RGS12: variants seen among roughly 807,000 people sequenced by gnomAD.
The protein encoded by RGS12 is regulator of G-protein signaling 12.
In RGS12, 66 loss-of-function variants were observed where a neutral mutation model predicts 120.1. The ratio of observed to expected loss-of-function variants is 0.55; its 90% CI spans 0.45 to 0.67. The LOEUF (loss-of-function observed/expected upper bound fraction) is 0.67. Ranked by LOEUF, RGS12 falls within the 30% of genes least tolerant of loss-of-function variation. The pLI, the probability that RGS12 is intolerant of heterozygous loss-of-function variation, is 0.00. For missense variants in RGS12, 1,859 were observed against 1,957.7 expected, an observed-to-expected ratio of 0.95 and a Z score of 0.95; for synonymous variants, 827 against 804.7, an observed-to-expected ratio of 1.03 and a Z score of -0.47.
intron 4 of RGS12, among the ~76,000 whole-genome samples, chr4:3,409,573 G>A (rs1721513461): frequency 6.6e-6 from 1 of 152,220 alleles, no homozygotes; most frequent in Non-Finnish European, 1.5e-5. Flanking sequence ...GAGGGAGGCG[G>A]CAAGGCCTAG....
At chr4:3,308,533 C>T (rs1236145164) in intron 1 of RGS12, among the ~76,000 whole-genome samples, 1 of 152,178 alleles carries the variant, frequency 6.6e-6, no homozygotes, top group African/African-American at 2.4e-5. Context: ...AACAGCTGGT[C>T]TGTGGTGCTG....
rs538360594 is a variant in RGS12, at chr4:3,390,948, G to C, written c.2020+4511G>C. 5.9e-5 allele frequency among the ~76,000 whole-genome samples: 9 copies of C among 152,306 alleles called. No individual in the cohort carries two copies. Among genetic ancestry groups the C allele is most frequent in the African/African-American group, 2.2e-4 (9 of 41,546 alleles). On this transcript the variant is annotated intron_variant, in intron 4 of 17. Coordinates refer to ENST00000336727, the MANE Select transcript of RGS12 (RefSeq NM_001394154.1). The surrounding 1 kb of genome is among the most constrained non-coding windows in gnomAD (Gnocchi z 4.6). ...ATTCTATACAATTTTGAAAGAGAAA[G>C]GGAAAAGCTTGAGAGTAGAACCATC...
chr4:3,358,011 T>A (rs1239996403), intron 3 of RGS12, among the ~76,000 whole-genome samples: 1 of 152,226 alleles, frequency 6.6e-6, no homozygotes, highest in African/African-American at 2.4e-5. Flanking sequence ...TTTACTTATG[T>A]CTTTATTCCT....
chr4:3,404,064 G>C (rs575892848), intron 4 of RGS12, among the ~76,000 whole-genome samples: 1 of 152,224 alleles, frequency 6.6e-6, no homozygotes, highest in Non-Finnish European at 1.5e-5. Flanking sequence ...TGGCCTTCCA[G>C]GTTGTTGGAG....
chr4:3,302,964 G>A (rs1445692593), intron 1 of RGS12, among the ~76,000 whole-genome samples: 1 of 152,230 alleles, frequency 6.6e-6, no homozygotes, highest in Non-Finnish European at 1.5e-5. Context: ...GGCCCTGGGA[G>A]TTCAGGACCG....
chr4:3,436,053 G>C (rs912686793), intron 17 of RGS12, among the ~76,000 whole-genome samples: 1 of 152,132 alleles, frequency 6.6e-6, no homozygotes, highest in African/African-American at 2.4e-5. Context: ...AATATTTGAG[G>C]AGCTCTATCC....
chr4:3,425,193 G>A (rs555739328), intron 13 of RGS12, among the ~76,000 whole-genome samples: 3 of 152,288 alleles, frequency 2.0e-5, no homozygotes, highest in East Asian at 1.9e-4. Flanking sequence ...AGCAGCGTCC[G>A]AGGGTCAGTG....
intron 3 of RGS12, among the ~76,000 whole-genome samples, chr4:3,350,552 C>G (rs1714254569): frequency 6.6e-6 from 1 of 151,996 alleles, no homozygotes; most frequent in African/African-American, 2.4e-5. Flanking sequence ...TATGATGGTA[C>G]ACACCTGTAG....
In RGS12 at chr4:3,417,534, C is replaced by T. The variant is rs202155286; in HGVS notation, c.2754C>T (p.His918=). The change falls in exon 9 of 18, where the codon CAC becomes CAT. Residue 918 remains histidine, a synonymous_variant. Coordinates refer to ENST00000336727, the MANE Select transcript of RGS12 (RefSeq NM_001394154.1). ...RSQKKREHGD[H]ADDALHANGG... ...AGAAAAAGAGGGAGCACGGGGACCACGCAGACGGTTTGTGGGGTGGCTCCT... is the reference window on the plus strand; with the variant it reads ...AGAAAAAGAGGGAGCACGGGGACCATGCAGACGGTTTGTGGGGTGGCTCCT... The T allele has an allele frequency of 1.9e-5, 31 of 1,612,664 alleles. No individual in the cohort carries two copies. Among genetic ancestry groups the T allele is most frequent in the Admixed American group, 8.3e-5 (5 of 60,010 alleles).
At chr4:3,432,212 T>C (rs566635993) in intron 17 of RGS12, 503 of 956,726 alleles carry the variant, frequency 5.3e-4, no homozygotes, top group Non-Finnish European at 5.7e-4. Flanking sequence ...TTTGAAACTT[T>C]GTTTCCACTT....
At chr4:3,350,100 G>C (rs189372574) in intron 3 of RGS12, among the ~76,000 whole-genome samples, 60 of 152,290 alleles carry the variant, frequency 3.9e-4, no homozygotes, top group Admixed American at 1.0e-3. Context: ...TGAGTATCAG[G>C]TTTTCACCTG....
At chr4:3,337,838 C>G (rs1451523960) in intron 2 of RGS12, among the ~76,000 whole-genome samples, 1 of 152,124 alleles carries the variant, frequency 6.6e-6, no homozygotes, top group Admixed American at 6.5e-5. Context: ...TTTGTGTTAT[C>G]TGGATTTTAA....
At chr4:3,287,918 C>T in the RGS12 span, among the ~76,000 whole-genome samples, 3 of 152,260 alleles carry the variant, frequency 2.0e-5, no homozygotes, top group East Asian at 1.9e-4. Context: ...CCAAACTCAC[C>T]GGGCCCCACA....
intron 4 of RGS12, among the ~76,000 whole-genome samples, chr4:3,412,276 T>TC (rs1484856495): frequency 6.6e-6 from 1 of 152,232 alleles, no homozygotes; most frequent in East Asian, 1.9e-4. Flanking sequence ...GCTCTAGGGC[T>TC]CCACTTTTCT....
At chr4:3,344,338 A>AT (rs1391516435) in intron 3 of RGS12, among the ~76,000 whole-genome samples, 2 of 152,154 alleles carry the variant, frequency 1.3e-5, no homozygotes, top group East Asian at 3.9e-4. Flanking sequence ...TGGGGTGCTC[A>AT]TGCTGCTGAT....
chr4:3,305,152 A>G (rs1723903688), intron 1 of RGS12, among the ~76,000 whole-genome samples: 1 of 152,232 alleles, frequency 6.6e-6, no homozygotes, highest in Non-Finnish European at 1.5e-5. Flanking sequence ...GACTTCCCTG[A>G]GAGGGAGTGA....
chr4:3,387,083 T>C (rs1283439120), intron 4 of RGS12, among the ~76,000 whole-genome samples: 1 of 152,222 alleles, frequency 6.6e-6, no homozygotes, highest in African/African-American at 2.4e-5. Flanking sequence ...CTCCGAAATA[T>C]TCCTCTTTTC....
At position 3,374,706 on chromosome 4, in the gene RGS12, T is replaced by C. The variant is rs559139287; in HGVS notation, c.1999-11710T>C. Reference sequence around the variant, plus strand: ...GCCTTCAAAATCCCTGAGTTTACACTTTCTCACCCCCATTGCTGCAGCCTG... The same window carrying C: ...GCCTTCAAAATCCCTGAGTTTACACCTTCTCACCCCCATTGCTGCAGCCTG... On this transcript the variant is annotated intron_variant, in intron 3 of 17. Transcript: ENST00000336727. The surrounding 1 kb of genome is among the most constrained non-coding windows in gnomAD (Gnocchi z 6.3). Among the ~76,000 whole-genome samples, 1 of 152,010 alleles carries C rather than the reference T, an allele frequency of 6.6e-6. No individual in the cohort carries two copies. The highest frequency in any genetic ancestry group is 2.4e-5 in the African/African-American group (1 of 41,492).
At chr4:3,310,081 A>C (rs1242746178) in intron 1 of RGS12, among the ~76,000 whole-genome samples, 1 of 114,288 alleles carries the variant, frequency 8.7e-6, no homozygotes, top group Admixed American at 9.0e-5. Flanking sequence ...AGGAGCTGGG[A>C]CCCGGGAAAT....
Sources: allele counts gnomAD v4.1 joint callset (sites outside exome capture counted in the v4.1 genomes callset), GRCh38; gene constraint gnomAD v4.1.1; non-coding constraint Gnocchi (gnomAD v3.1); transcripts MANE v1.5; gene names NCBI Gene and HGNC (gene_info 2026-07-23, HGNC 2026-07-21).